ADAMTS18: variants seen among roughly 807,000 people sequenced by gnomAD.
ADAMTS18 encodes ADAM metallopeptidase with thrombospondin type 1 motif 18.
Under a neutral mutation model 165.9 loss-of-function variants are expected in ADAMTS18, and 157 were observed. The observed-to-expected ratio is 0.95, with a 90% CI of 0.83 to 1.08. ADAMTS18 has a LOEUF of 1.08. Among genes scored for constraint, ADAMTS18 ranks in the 50% least tolerant of loss-of-function variants. The pLI, the probability that ADAMTS18 is intolerant of heterozygous loss-of-function variation, is 0.00. For missense variants in ADAMTS18, 2,040 were observed against 1,534.0 expected, an observed-to-expected ratio of 1.33 and a Z score of -5.51; for synonymous variants, 782 against 578.2, an observed-to-expected ratio of 1.35 and a Z score of -5.06.
At chr16:77,399,309 G>C (rs2057297265) in intron 3 of ADAMTS18, among the ~76,000 whole-genome samples, 1 of 152,204 alleles carries the variant, frequency 6.6e-6, no homozygotes, top group African/African-American at 2.4e-5. Flanking sequence ...AAGGAGGAAA[G>C]TAGGCCAGAG....
At chr16:77,353,967 T>G in intron 9 of ADAMTS18, 81 bp from the exon 10 acceptor site, 2 of 1,529,620 alleles carry the variant, frequency 1.3e-6, no homozygotes, top group Non-Finnish European at 1.8e-6. Context: ...CTGAATGCAT[T>G]CATGCAAAGA....
chr16:77,385,678 G>A (rs1297129075), intron 3 of ADAMTS18, among the ~76,000 whole-genome samples: 1 of 152,198 alleles, frequency 6.6e-6, no homozygotes, highest in African/African-American at 2.4e-5. Context: ...ATGTGATTAA[G>A]TACGCTACGT....
At chr16:77,411,439 T>C (rs992936937) in intron 3 of ADAMTS18, among the ~76,000 whole-genome samples, 7 of 152,176 alleles carry the variant, frequency 4.6e-5, no homozygotes, top group Admixed American at 3.3e-4. Context: ...AGTCAGTAGA[T>C]AGACTTGGAC....
In ADAMTS18 at chr16:77,284,007, G is replaced by C. The variant is rs2055198760; in HGVS notation, c.3615C>G (p.Asn1205Lys). 1.2e-6 allele frequency: 2 copies of C among 1,614,024 alleles called. No individual in the cohort carries two copies. The highest frequency in any genetic ancestry group is 1.7e-6 in the Non-Finnish European group (2 of 1,179,960). The change falls in exon 23 of 23, where the codon AAC becomes AAG. Residue 1205 changes from asparagine to lysine, a missense_variant. Physicochemically the swap from Asn to Lys is moderately conservative, Grantham distance 94. Transcript: ENST00000282849. ...AGCATTGTTTTCCGTAAAACTTGTG[G>C]TTGCAGACACCATGCTGAGGAACTA... The part of the protein sequence containing the change: ...CHLVPQHGVC[N>K]HKFYGKQCCK...
chr16:77,378,457 G>C (rs1385218742), intron 3 of ADAMTS18, among the ~76,000 whole-genome samples: 2 of 152,092 alleles, frequency 1.3e-5, no homozygotes, highest in South Asian at 2.1e-4. Flanking sequence ...GCTCACACCT[G>C]TAATCCCAGC....
Position 77,283,892 on chromosome 16 carries a change from G to A in ADAMTS18, c.*64C>T. On this transcript the variant is annotated 3_prime_UTR_variant, in exon 23 of 23. Coordinates refer to ENST00000282849, the MANE Select transcript of ADAMTS18 (RefSeq NM_199355.4). ...TGCTCAGCTCCTGGTCTCAAAGGCA[G>A]CTGGTCTCTCTAGAGGTTGAAAGGT... 1 of 1,279,452 alleles carries A rather than the reference G, an allele frequency of 7.8e-7. No homozygotes were observed. Among genetic ancestry groups the A allele is most frequent in the Non-Finnish European group, 1.1e-6 (1 of 877,056 alleles). The allele number at this position is 1,279,452 out of a possible 1,614,324, so 79.3% of individuals were successfully genotyped here.
intron 16 of ADAMTS18, among the ~76,000 whole-genome samples, chr16:77,319,245 C>G (rs907217121): frequency 4.6e-5 from 7 of 152,084 alleles, no homozygotes; most frequent in African/African-American, 1.4e-4. Context: ...CATAGACAAA[C>G]CAGCATAATA....
intron 2 of ADAMTS18, among the ~76,000 whole-genome samples, chr16:77,431,971 A>T (rs1341672845): frequency 6.6e-6 from 1 of 152,172 alleles, no homozygotes; most frequent in East Asian, 1.9e-4. Flanking sequence ...CATATATATA[A>T]AATTTAATTT....
At chr16:77,407,592 A>G (rs1409732243) in intron 3 of ADAMTS18, among the ~76,000 whole-genome samples, 2 of 152,118 alleles carry the variant, frequency 1.3e-5, no homozygotes, top group Admixed American at 6.6e-5. Flanking sequence ...ATTAGAATAA[A>G]GACTTTTTTA....
At chr16:77,300,021 A>C (rs2055550538) in intron 17 of ADAMTS18, 2 of 423,020 alleles carry the variant, frequency 4.7e-6, no homozygotes, top group South Asian at 7.1e-5. Flanking sequence ...TTTTCCCATA[A>C]GTTTTAGATG....
chr16:77,427,573 C>T (rs1263132013), intron 3 of ADAMTS18, among the ~76,000 whole-genome samples: 1 of 152,140 alleles, frequency 6.6e-6, no homozygotes. Flanking sequence ...ATCCTAGCAC[C>T]TTCACAGATT....
chr16:77,425,713 C>T (rs1331623402), intron 3 of ADAMTS18, among the ~76,000 whole-genome samples: 1 of 152,030 alleles, frequency 6.6e-6, no homozygotes, highest in Non-Finnish European at 1.5e-5. Flanking sequence ...ACCGCAGAAC[C>T]CTGGTACAAG....
chr16:77,315,900 G>A (rs565036737), intron 16 of ADAMTS18, among the ~76,000 whole-genome samples: 29 of 152,156 alleles, frequency 1.9e-4, no homozygotes, highest in African/African-American at 6.7e-4. Context: ...GAATATCTAA[G>A]GTACATTGCA....
rs543236740 is a variant in ADAMTS18, at chr16:77,420,351, T to C, written c.495+10944A>G. ...ATCTCTAAAGCCCGTAACATTTACC[T>C]AGCCCAGGGTTTCTCAAACTCAACT... On this transcript the variant is annotated intron_variant, in intron 3 of 22. Coordinates refer to ENST00000282849, the MANE Select transcript of ADAMTS18 (RefSeq NM_199355.4). Among the ~76,000 whole-genome samples, 5 of 152,298 alleles carry C rather than the reference T, an allele frequency of 3.3e-5. No individual in the cohort carries two copies. In the East Asian group the frequency reaches 9.7e-4, roughly 29 times the overall value.
rs145596475 is a variant in ADAMTS18 at position 77,431,446 on chromosome 16, G to T, written c.344C>A (p.Ser115Ter). 2 of 1,614,174 alleles carry T rather than the reference G, an allele frequency of 1.2e-6. No homozygotes were observed. Among genetic ancestry groups the T allele is most frequent in the Non-Finnish European group, 1.7e-6 (2 of 1,180,032 alleles). Residue 115 changes from serine to a stop codon, truncating the protein, a stop_gained, in exon 3 of 23, where the codon TCG (serine) becomes TAG (stop). Transcript: ENST00000282849. LOFTEE classifies it high-confidence loss of function. ...GQELHLELKP[S>*]AILSSHFIVQ... is the part of the protein sequence containing the mutation. Reference sequence around the variant, plus strand: ...AATAAAGTGACTGCTCAAAATCGCCGAGGGCTTAAGTTCTAAGTGCAGTTC... The same window carrying T: ...AATAAAGTGACTGCTCAAAATCGCCTAGGGCTTAAGTTCTAAGTGCAGTTC...
At chr16:77,358,775 A>G (rs1173382456) in intron 8 of ADAMTS18, among the ~76,000 whole-genome samples, 2 of 152,216 alleles carry the variant, frequency 1.3e-5, no homozygotes, top group African/African-American at 4.8e-5. Flanking sequence ...ATTATTTTGT[A>G]AAGTATTATA....
intron 17 of ADAMTS18, among the ~76,000 whole-genome samples, chr16:77,299,724 C>T (rs1309535832): frequency 6.6e-6 from 1 of 152,190 alleles, no homozygotes; most frequent in African/African-American, 2.4e-5. Context: ...TAGATGGTTG[C>T]TGTTGTTCCT....
chr16:77,411,193 T>C (rs1343565644), intron 3 of ADAMTS18, among the ~76,000 whole-genome samples: 1 of 152,192 alleles, frequency 6.6e-6, no homozygotes, highest in East Asian at 1.9e-4. Context: ...GCATTCATAC[T>C]CGCTGCCATC....
At chr16:77,370,466 G>T (rs962886711) in intron 3 of ADAMTS18, among the ~76,000 whole-genome samples, 13 of 152,062 alleles carry the variant, frequency 8.5e-5, no homozygotes, top group Middle Eastern at 3.2e-3. Context: ...AATCAAGAAG[G>T]TGGCCAAGTG....
Sources: gnomAD v4.1 joint callset for allele counts (sites outside exome capture counted in the v4.1 genomes callset) on GRCh38, gnomAD v4.1.1 for gene constraint, MANE v1.5 for transcripts, NCBI Gene and HGNC (gene_info 2026-07-23, HGNC 2026-07-21) for gene names.